Variants in MEGF11 observed in about 807,000 individuals in gnomAD.
MEGF11 encodes the protein multiple epidermal growth factor-like domains protein 11.
In MEGF11, 126 loss-of-function variants were observed where a neutral mutation model predicts 146.6. The ratio of observed to expected loss-of-function variants is 0.86; its 90% CI spans 0.74 to 1.00. The LOEUF (loss-of-function observed/expected upper bound fraction) is 1.00. Among genes scored for constraint, MEGF11 ranks in the 50% least tolerant of loss-of-function variants. The pLI is 0.00. For missense variants in MEGF11, 1,509 were observed against 1,521.2 expected, an observed-to-expected ratio of 0.99 and a Z score of 0.13; for synonymous variants, 532 against 583.4, an observed-to-expected ratio of 0.91 and a Z score of 1.27.
intron 1 of MEGF11, among the ~76,000 whole-genome samples, chr15:66,181,046 C>T (rs370523194): frequency 1.2e-4 from 18 of 152,188 alleles, no homozygotes; most frequent in Non-Finnish European, 2.5e-4. Flanking sequence ...GCTAAAGTAA[C>T]CTAATTTTAA....
At chr15:65,987,535 C>G (rs919297232) in intron 5 of MEGF11, among the ~76,000 whole-genome samples, 2 of 152,008 alleles carry the variant, frequency 1.3e-5, no homozygotes. Flanking sequence ...CCATTTTAAT[C>G]ATTTTTAAGT....
At chr15:65,903,233 G>A (rs1174580562) in intron 24 of MEGF11, among the ~76,000 whole-genome samples, 1 of 152,186 alleles carries the variant, frequency 6.6e-6, no homozygotes. Context: ...ACACAGGTGG[G>A]GAAAGTGGCA....
At chr15:65,959,612 A>T (rs912920411) in intron 9 of MEGF11, among the ~76,000 whole-genome samples, 1 of 152,244 alleles carries the variant, frequency 6.6e-6, no homozygotes, top group Non-Finnish European at 1.5e-5. Flanking sequence ...CTAAGACTCT[A>T]TCCTAAGGAA....
chr15:66,143,879 G>A (rs2089267380), intron 1 of MEGF11, among the ~76,000 whole-genome samples: 1 of 152,154 alleles, frequency 6.6e-6, no homozygotes, highest in South Asian at 2.1e-4. Context: ...GGACCCCGAG[G>A]TGGGACTCAG....
chr15:65,911,187 ACT>A (rs2078792894), intron 21 of MEGF11, among the ~76,000 whole-genome samples: 1 of 152,178 alleles, frequency 6.6e-6, no homozygotes, highest in African/African-American at 2.4e-5. Context: ...GACCTACAGA[ACT>A]CAGTGTCCAC....
chr15:66,102,433 C>CTT (rs753433380), intron 4 of MEGF11, among the ~76,000 whole-genome samples: 2,723 of 130,260 alleles, frequency 0.021, 151 homozygotes, highest in African/African-American at 0.08. Flanking sequence ...TAAACATTTT[C>CTT]TTTTTTTTTT....
intron 1 of MEGF11, among the ~76,000 whole-genome samples, chr15:66,244,129 A>G (rs1024745367): frequency 2.6e-5 from 4 of 152,184 alleles, no homozygotes; most frequent in Non-Finnish European, 4.4e-5. Context: ...GCGCCTGAGA[A>G]GTGCCTGCTC....
At chr15:66,233,917 C>T (rs7181304) in intron 1 of MEGF11, among the ~76,000 whole-genome samples, 67,738 of 148,524 alleles carry the variant, frequency 0.46, 16,424 homozygotes, top group East Asian at 0.68. Context: ...CTTTGTTCCA[C>T]TGGACATTGT....
At chr15:66,095,752 G>A (rs1405821915) in intron 4 of MEGF11, among the ~76,000 whole-genome samples, 1 of 152,196 alleles carries the variant, frequency 6.6e-6, no homozygotes, top group African/African-American at 2.4e-5. Context: ...CCTGTCCACT[G>A]CAAGCCTGGG....
intron 1 of MEGF11, among the ~76,000 whole-genome samples, chr15:66,129,372 A>G (rs1481510455): frequency 6.6e-6 from 1 of 152,224 alleles, no homozygotes; most frequent in African/African-American, 2.4e-5. Context: ...ACACGCACCC[A>G]AACATCATCT....
At chr15:65,973,649 A>T (rs2081364456) in intron 7 of MEGF11, among the ~76,000 whole-genome samples, 1 of 152,154 alleles carries the variant, frequency 6.6e-6, no homozygotes. Flanking sequence ...TTTTTAAATG[A>T]TTTAACCACA....
intron 5 of MEGF11, among the ~76,000 whole-genome samples, chr15:66,023,913 G>A (rs2083243437): frequency 6.6e-6 from 1 of 152,210 alleles, no homozygotes; most frequent in African/African-American, 2.4e-5. Context: ...CGGTCTGAAG[G>A]CTGCAGGGGG....
chr15:65,985,743 C>G (rs1370772660), intron 5 of MEGF11, among the ~76,000 whole-genome samples: 3 of 151,802 alleles, frequency 2.0e-5, no homozygotes, highest in African/African-American at 7.3e-5. Context: ...CAGAAAGCAC[C>G]CTGCCCTATT....
chr15:66,191,249 G>C (rs531096281), intron 1 of MEGF11, among the ~76,000 whole-genome samples: 100 of 152,318 alleles, frequency 6.6e-4, no homozygotes, highest in Non-Finnish European at 1.1e-3. Flanking sequence ...GCTCGGGCTG[G>C]AGGGAGGGCC....
intron 12 of MEGF11, 147 bp from the exon 13 acceptor site, chr15:65,928,674 C>T: frequency 2.0e-6 from 1 of 496,254 alleles, no homozygotes; most frequent in Non-Finnish European, 3.6e-6. Flanking sequence ...CAGAACCCCA[C>T]AGAGATGCAG....
intron 5 of MEGF11, among the ~76,000 whole-genome samples, chr15:66,050,203 G>A (rs2084394792): frequency 6.6e-6 from 1 of 152,188 alleles, no homozygotes; most frequent in African/African-American, 2.4e-5. Context: ...GGAACTACAG[G>A]TGCACATCAG....
chr15:65,996,350 C>G (rs917510722), intron 5 of MEGF11, among the ~76,000 whole-genome samples: 1 of 152,156 alleles, frequency 6.6e-6, no homozygotes, highest in Non-Finnish European at 1.5e-5. Flanking sequence ...ATAGAATTTC[C>G]AAACCAATAC....
At chr15:66,244,144 G>T (rs907781324) in intron 1 of MEGF11, among the ~76,000 whole-genome samples, 1 of 152,084 alleles carries the variant, frequency 6.6e-6, no homozygotes, top group Non-Finnish European at 1.5e-5. Context: ...CTGCTCAACC[G>T]CGAGGCCCTA....
In MEGF11 at chr15:65,898,847, A is replaced by G. The variant is rs753796967; in HGVS notation, c.3143T>C (p.Ile1048Thr). The G allele has an allele frequency of 6.2e-7, 1 of 1,613,978 alleles. No individual in the cohort carries two copies. Among genetic ancestry groups the G allele is most frequent in the Non-Finnish European group, 8.5e-7 (1 of 1,179,868 alleles). The change falls in exon 25 of 26, where the codon ATC becomes ACC. Residue 1048 changes from isoleucine to threonine, a missense_variant. By Grantham distance (89) the Ile-to-Thr change is moderately conservative (BLOSUM62 -1). Transcript: ENST00000395614. Reference sequence around the variant, plus strand: ...GCTTTCTGGAAGCTTGCAGGTGAGGATGGGTGGGTCCTTAATTGTGGCGTA... The same window carrying G: ...GCTTTCTGGAAGCTTGCAGGTGAGGGTGGGTGGGTCCTTAATTGTGGCGTA... ...NPYATIKDPP[I>T]LTCKLPESSY...
Sources: allele counts gnomAD v4.1 joint callset (sites outside exome capture counted in the v4.1 genomes callset), GRCh38; gene constraint gnomAD v4.1.1; transcripts MANE v1.5; gene names NCBI Gene and HGNC (gene_info 2026-07-23, HGNC 2026-07-21).